Variants in CLSTN2 observed in about 807,000 individuals in gnomAD.
CLSTN2 encodes calsyntenin-2.
In CLSTN2, 48 loss-of-function variants were observed where a neutral mutation model predicts 101.2. The ratio of observed to expected loss-of-function variants is 0.47; its 90% CI spans 0.38 to 0.60. The LOEUF is 0.60. Among genes scored for constraint, CLSTN2 ranks in the 20% least tolerant of loss-of-function variants. The probability of loss-of-function intolerance (pLI) is 0.00; values close to 1 mark genes in which losing one functional copy is unlikely to be tolerated. For synonymous variants in CLSTN2, 481 were observed against 463.6 expected, an observed-to-expected ratio of 1.04 and a Z score of -0.48; for missense variants, 1,160 against 1,238.2, an observed-to-expected ratio of 0.94 and a Z score of 0.95.
chr3:140,280,450 A>T (rs2086834558), intron 2 of CLSTN2, among the ~76,000 whole-genome samples: 1 of 152,174 alleles, frequency 6.6e-6, no homozygotes, highest in African/African-American at 2.4e-5. Flanking sequence ...AGGTAGAAGG[A>T]GAAAGGGCAG....
intron 2 of CLSTN2, among the ~76,000 whole-genome samples, chr3:140,388,711 AG>A (rs1449713818): frequency 2.0e-5 from 3 of 152,228 alleles, no homozygotes; most frequent in Non-Finnish European, 4.4e-5. Flanking sequence ...ACTTGCACAA[AG>A]GTTGCTGTAA....
intron 1 of CLSTN2, among the ~76,000 whole-genome samples, chr3:139,954,271 T>C (rs780197083): frequency 3.3e-5 from 5 of 152,238 alleles, no homozygotes; most frequent in African/African-American, 4.8e-5. Context: ...CCAGTCAGAC[T>C]TGCTGGCCAG....
chr3:140,417,816 T>C (rs1576556143), intron 4 of CLSTN2, among the ~76,000 whole-genome samples: 1 of 152,376 alleles, frequency 6.6e-6, no homozygotes, highest in African/African-American at 2.4e-5. Flanking sequence ...CCTTCTCCCA[T>C]GCAACAATTC....
chr3:140,331,059 T>A (rs1345927117), intron 2 of CLSTN2, among the ~76,000 whole-genome samples: 1 of 152,250 alleles, frequency 6.6e-6, no homozygotes, highest in East Asian at 1.9e-4. Context: ...GTAGCATGGC[T>A]CAGTCCATCT....
At chr3:139,981,999 A>G (rs1294414152) in intron 1 of CLSTN2, among the ~76,000 whole-genome samples, 1 of 152,146 alleles carries the variant, frequency 6.6e-6, no homozygotes, top group Non-Finnish European at 1.5e-5. Context: ...TGATTTGAGC[A>G]TTCCCTTTCC....
At chr3:140,233,209 A>G (rs116721709) in intron 2 of CLSTN2, among the ~76,000 whole-genome samples, 5,931 of 152,178 alleles carry the variant, frequency 0.039, 355 homozygotes, top group African/African-American at 0.13. Flanking sequence ...GCATTGCTAT[A>G]ACTGCCTGTG....
chr3:139,996,543 T>C (rs1475585228), intron 1 of CLSTN2, among the ~76,000 whole-genome samples: 2 of 152,152 alleles, frequency 1.3e-5, no homozygotes, highest in African/African-American at 4.8e-5. Flanking sequence ...CCTGCCACCA[T>C]CAAAGCATTT....
chr3:140,454,433 A>T (rs1382374437), intron 6 of CLSTN2: 1 of 152,170 alleles, frequency 6.6e-6, no homozygotes, highest in Non-Finnish European at 1.5e-5. Context: ...AAGTGAAATG[A>T]TAGTTTTATT....
rs1045513906 is a variant in CLSTN2, at chr3:139,943,381, G to C, written c.109+7898G>C. ...CCATTATGCTGCTGTCAAGGTGGCA[G>C]CATGTATGCCAGTCCCACCAGGCCT... On this transcript the variant is annotated intron_variant, in intron 1 of 16. Coordinates refer to ENST00000458420, the MANE Select transcript of CLSTN2 (RefSeq NM_022131.3). 3.9e-5 allele frequency among the ~76,000 whole-genome samples: 6 copies of C among 152,274 alleles called. No homozygotes were observed. The East Asian group carries it at 9.6e-4, about 24-fold the overall frequency.
At chr3:140,412,719 A>T (rs2088378640) in intron 4 of CLSTN2, among the ~76,000 whole-genome samples, 1 of 152,252 alleles carries the variant, frequency 6.6e-6, no homozygotes, top group Non-Finnish European at 1.5e-5. Context: ...ACGGTATGAA[A>T]CTAGAAATCA....
chr3:140,014,059 C>A (rs1249701357), intron 1 of CLSTN2, among the ~76,000 whole-genome samples: 1 of 152,178 alleles, frequency 6.6e-6, no homozygotes, highest in African/African-American at 2.4e-5. Context: ...TTTTCCAATT[C>A]CATAGCCAAG....
chr3:139,994,988 A>G (rs1936177779), intron 1 of CLSTN2, among the ~76,000 whole-genome samples: 1 of 152,210 alleles, frequency 6.6e-6, no homozygotes, highest in South Asian at 2.1e-4. Flanking sequence ...AGAAAGAACC[A>G]TGCATCACGG....
In CLSTN2 at chr3:140,136,577, A is replaced by G. The variant is rs536235432; in HGVS notation, c.110-39374A>G. Among the ~76,000 whole-genome samples, 85 of 152,350 alleles carry G rather than the reference A, an allele frequency of 5.6e-4. No homozygotes were observed. The South Asian group carries it at 0.017, about 30-fold the overall frequency. On this transcript the variant is annotated intron_variant, in intron 1 of 16. Coordinates refer to ENST00000458420, the MANE Select transcript of CLSTN2 (RefSeq NM_022131.3). ...CTTGACCCAAAGTGTTTCAAAGAAC[A>G]CAGGTTTTGGGTCAAAGGTACTTGA...
chr3:140,206,658 C>A (rs930401950), intron 2 of CLSTN2, among the ~76,000 whole-genome samples: 2 of 152,150 alleles, frequency 1.3e-5, no homozygotes, highest in Non-Finnish European at 2.9e-5. Context: ...AATGTGCTGC[C>A]AAATGGATTT....
intron 8 of CLSTN2, among the ~76,000 whole-genome samples, chr3:140,491,576 C>G (rs913943790): frequency 3.9e-5 from 6 of 152,240 alleles, no homozygotes; most frequent in Non-Finnish European, 8.8e-5. Flanking sequence ...AATCCCAACA[C>G]TTTGGGAGGC....
At chr3:140,013,798 A>T (rs1241856431) in intron 1 of CLSTN2, among the ~76,000 whole-genome samples, 1 of 152,154 alleles carries the variant, frequency 6.6e-6, no homozygotes, top group East Asian at 1.9e-4. Flanking sequence ...TCCAGATGTC[A>T]CTAGCCAGCG....
At chr3:140,276,866 G>C (rs572566807) in intron 2 of CLSTN2, among the ~76,000 whole-genome samples, 111 of 152,238 alleles carry the variant, frequency 7.3e-4, no homozygotes, top group Non-Finnish European at 1.2e-3. Context: ...CAGCACTCTG[G>C]GCTGCCTTTC....
intron 1 of CLSTN2, among the ~76,000 whole-genome samples, chr3:140,069,359 C>T (rs755556082): frequency 1.8e-4 from 28 of 152,134 alleles, no homozygotes; most frequent in Non-Finnish European, 3.1e-4. Context: ...ACCAAGACAC[C>T]AGATCAATGG....
At chr3:140,510,570 T>C (rs2107767621) in intron 8 of CLSTN2, among the ~76,000 whole-genome samples, 1 of 152,312 alleles carries the variant, frequency 6.6e-6, no homozygotes, top group South Asian at 2.1e-4. Context: ...CAACCAAATT[T>C]CAAACGAGGG....
Sources: gnomAD v4.1 joint callset for allele counts (sites outside exome capture counted in the v4.1 genomes callset) on GRCh38, gnomAD v4.1.1 for gene constraint, MANE v1.5 for transcripts, NCBI Gene and HGNC (gene_info 2026-07-23, HGNC 2026-07-21) for gene names.